RGS5: variants seen among roughly 807,000 people sequenced by gnomAD.
RGS5 encodes the protein regulator of G-protein signalling 5.
A neutral mutation model predicts 18.9 loss-of-function variants in RGS5; 20 were observed. The observed-to-expected ratio is 1.06, with a 90% CI of 0.74 to 1.54. The LOEUF (loss-of-function observed/expected upper bound fraction) is 1.54, where lower values mean the gene tolerates loss of function less well. Ranked by LOEUF, RGS5 falls within the 40% of genes most tolerant of loss-of-function variation. The pLI is 0.00. For synonymous variants in RGS5, 57 were observed against 76.2 expected (o/e 0.75, Z 1.31); for missense variants, 201 against 211.8 (o/e 0.95, Z 0.32).
chr1:163,280,294 C>G (rs544421023), intron 2 of RGS5, among the ~76,000 whole-genome samples: 1 of 151,960 alleles, frequency 6.6e-6, no homozygotes, highest in South Asian at 2.1e-4. Context: ...TCAATAACAT[C>G]AAAAAGATAA....
At chr1:163,171,535 G>A (rs923379425) in intron 1 of RGS5, among the ~76,000 whole-genome samples, 2 of 152,158 alleles carry the variant, frequency 1.3e-5, no homozygotes, top group Non-Finnish European at 1.5e-5. Context: ...TTGGTTGGTT[G>A]TTTTGGTTTT....
chr1:163,193,310 C>T (rs1325092244), intron 1 of RGS5, among the ~76,000 whole-genome samples: 2 of 152,124 alleles, frequency 1.3e-5, no homozygotes, highest in Non-Finnish European at 2.9e-5. Flanking sequence ...ATGAAACCAA[C>T]ATGGTCATCA....
intron 2 of RGS5, among the ~76,000 whole-genome samples, chr1:163,249,339 T>C (rs1226820499): frequency 6.6e-6 from 1 of 152,222 alleles, no homozygotes; most frequent in Non-Finnish European, 1.5e-5. Flanking sequence ...GTCTCTTAAT[T>C]AGTATGTTGG....
intron 4 of RGS5, 72 bp from the exon 5 acceptor site, chr1:163,147,575 G>T: frequency 7.7e-7 from 1 of 1,293,964 alleles, no homozygotes; most frequent in Non-Finnish European, 1.0e-6. Flanking sequence ...AGAGGGAGGT[G>T]GAATTTCTCA....
intron 2 of RGS5, among the ~76,000 whole-genome samples, chr1:163,230,200 C>T: frequency 6.6e-6 from 1 of 152,102 alleles, no homozygotes; most frequent in East Asian, 1.9e-4. Flanking sequence ...ATCTGGGAGT[C>T]AAAAGACCTG....
intron 2 of RGS5, among the ~76,000 whole-genome samples, chr1:163,228,289 C>T (rs980227711): frequency 2.6e-5 from 4 of 152,258 alleles, no homozygotes; most frequent in Admixed American, 2.0e-4. Context: ...GCTCTGAAAT[C>T]TAGGTGGAGG....
intron 3 of RGS5, among the ~76,000 whole-genome samples, chr1:163,157,141 C>G (rs894594198): frequency 1.3e-5 from 2 of 152,072 alleles, no homozygotes; most frequent in East Asian, 1.9e-4. Flanking sequence ...GATGCTCTGG[C>G]CTTCTGAAAC....
intron 3 of RGS5, among the ~76,000 whole-genome samples, chr1:163,159,352 G>C: frequency 6.6e-6 from 1 of 152,316 alleles, no homozygotes; most frequent in South Asian, 2.1e-4. Flanking sequence ...CACAATTTAT[G>C]TTCAAAGATT....
chr1:163,287,400 C>T (rs558867234), intron 2 of RGS5, among the ~76,000 whole-genome samples: 1 of 152,310 alleles, frequency 6.6e-6, no homozygotes, highest in South Asian at 2.1e-4. Flanking sequence ...CATACACTCA[C>T]ATTCCTGGCT....
chr1:163,263,642 A>C (rs1475589389), intron 2 of RGS5, among the ~76,000 whole-genome samples: 2 of 152,000 alleles, frequency 1.3e-5, no homozygotes, highest in African/African-American at 4.8e-5. Context: ...CTGCCTTAAT[A>C]GTTATGTTAA....
At chr1:163,209,630 G>T (rs1374457003) in intron 1 of RGS5, among the ~76,000 whole-genome samples, 1 of 151,862 alleles carries the variant, frequency 6.6e-6, no homozygotes, top group Non-Finnish European at 1.5e-5. Flanking sequence ...AATCTTCTTT[G>T]CTTCTATTAT....
In RGS5 at chr1:163,311,514, A is replaced by G. The variant is rs550526966; in HGVS notation, c.-377-5185T>C. On this transcript the variant is annotated intron_variant, in intron 1 of 5. Transcript: ENST00000618415. ...TTCTAGTTTTTATTTTAAGTGAGAC[A>G]TTTGACTCTTTCTTTCACTTGAAGG... Among the ~76,000 whole-genome samples the G allele has an allele frequency of 6.2e-4, 95 of 152,300 alleles. 1 individual carries two copies. In the East Asian group the frequency reaches 0.018, roughly 28 times the overall value.
intron 2 of RGS5, among the ~76,000 whole-genome samples, chr1:163,255,847 C>A (rs1372637429): frequency 1.3e-5 from 2 of 152,010 alleles, no homozygotes; most frequent in Non-Finnish European, 2.9e-5. Context: ...ATAAACAGAA[C>A]CAAAGACAAA....
At chr1:163,211,356 T>C (rs549635973) in intron 1 of RGS5, 1 of 152,210 alleles carries the variant, frequency 6.6e-6, no homozygotes, top group Admixed American at 6.5e-5. Flanking sequence ...GTAGGTCCAT[T>C]CTGAGACAAA....
chr1:163,217,644 G>T, upstream of RGS5: 1 of 1,517,340 alleles, frequency 6.6e-7, no homozygotes, highest in East Asian at 2.5e-5. Context: ...TCTTTCCTGG[G>T]CTAGTGTTCC....
At chr1:163,303,425 A>AT (rs1239698233) in intron 2 of RGS5, among the ~76,000 whole-genome samples, 2 of 152,178 alleles carry the variant, frequency 1.3e-5, no homozygotes, top group African/African-American at 2.4e-5. Context: ...CTTGTGGATT[A>AT]TTTTTTTAAA....
chr1:163,152,574 G>T lies in RGS5; in HGVS notation c.360C>A (p.Phe120Leu), dbSNP rs1657414699. 1 of 1,612,672 alleles carries T rather than the reference G, an allele frequency of 6.2e-7. No homozygotes were observed. The highest frequency in any genetic ancestry group is 8.5e-7 in the Non-Finnish European group (1 of 1,179,188). Residue 120 changes from phenylalanine to leucine, a missense_variant, in exon 4 of 5, where the codon TTC becomes TTA. Phe to Leu is a conservative substitution (Grantham distance 22). Coordinates refer to ENST00000313961, the MANE Select transcript of RGS5 (RefSeq NM_003617.4). ...CCTCTTTAGGAGCCTCCGTTTGAAT[G>T]AATTCTTCATAAATTTGCTTTGCCT... Reference protein sequence around the residue: ...AEKAKQIYEEFIQTEAPKEVN... With the variant: ...AEKAKQIYEELIQTEAPKEVN...
rs1276083836 is a variant in RGS5, at chr1:163,254,613, T to C, written c.-281+51620A>G. Among the ~76,000 whole-genome samples the C allele has an allele frequency of 2.0e-5, 3 of 152,364 alleles. No individual in the cohort carries two copies. In the East Asian group the frequency reaches 5.8e-4, roughly 29 times the overall value. Reference sequence around the variant, plus strand: ...TTTGTAGGTTGCCTGTTCACTCTGATGGTAGTTTCTTTTGCTGTGCAGAAG... The same window carrying C: ...TTTGTAGGTTGCCTGTTCACTCTGACGGTAGTTTCTTTTGCTGTGCAGAAG... On this transcript the variant is annotated intron_variant, in intron 2 of 5. Transcript: ENST00000618415.
Position 163,146,311 on chromosome 1 carries a change from T to C in RGS5, c.*1031A>G, listed in dbSNP as rs1657127344. ...TCACCTAGAAGGCCTCTACCTGTAA[T>C]CACATTAATTTTTCTAAAGACAATT... On this transcript the variant is annotated 3_prime_UTR_variant, in exon 5 of 5. Coordinates refer to ENST00000313961, the MANE Select transcript of RGS5 (RefSeq NM_003617.4). The C allele has an allele frequency of 6.6e-6, 1 of 151,548 alleles. No homozygotes were observed. The highest frequency in any genetic ancestry group is 1.5e-5 in the Non-Finnish European group (1 of 67,914). 9.4% of individuals were successfully genotyped at this position (151,548 alleles called of 1,614,324 possible).
Sources: gnomAD v4.1 joint callset for allele counts (sites outside exome capture counted in the v4.1 genomes callset) on GRCh38, gnomAD v4.1.1 for gene constraint, MANE v1.5 for transcripts, NCBI Gene and HGNC (gene_info 2026-07-23, HGNC 2026-07-21) for gene names.